The following HELZ variants were observed in gnomAD, a reference collection of about 807,000 sequenced individuals.
HELZ encodes the protein ATP-dependent RNA helicase with zinc finger domain.
In HELZ, 23 loss-of-function variants were observed where a neutral mutation model predicts 218.2. That is an observed-to-expected ratio of 0.11 (90% CI 0.08 to 0.15). HELZ has a LOEUF of 0.15. HELZ is among the 10% of genes least tolerant of loss of function. The pLI is 1.00. For missense variants in HELZ, 1,813 were observed against 2,353.7 expected (o/e 0.77, Z 4.75); for synonymous variants, 814 against 829.4 (o/e 0.98, Z 0.32).
At chr17:67,085,581 C>CT (rs2036345306) in intron 32 of HELZ, among the ~76,000 whole-genome samples, 3 of 151,562 alleles carry the variant, frequency 2.0e-5, no homozygotes, top group Admixed American at 6.6e-5. Context: ...TTTACCATGT[C>CT]TATTGTTCTA....
Position 67,087,059 on chromosome 17 carries a change from C to T in HELZ, c.5264G>A (p.Arg1755Gln), listed in dbSNP as rs867370356. The T allele has an allele frequency of 6.8e-6, 11 of 1,613,794 alleles. No homozygotes were observed. The African/African-American group carries it at 9.4e-5, about 14-fold the overall frequency. The change falls in exon 32 of 33, where the codon CGG (arginine) becomes CAG (glutamine). Residue 1755 changes from arginine to glutamine, a missense_variant. Arg to Gln is a conservative substitution (Grantham distance 43). This residue lies in a region of HELZ where 938 missense variants were observed against 1,027.5 expected (regional missense o/e 0.91). Transcript: ENST00000358691. Reference protein sequence around the residue: ...LEEYEPRGPGRPLYQRRISSS... With the variant: ...LEEYEPRGPGQPLYQRRISSS... ...TGAGATTCTTCTTTGGTACAAGGGC[C>T]GACCAGGTCCTCTGGGCTCATACTA... is the stretch of plus-strand genomic sequence containing the variant.
Position 67,108,994 on chromosome 17 carries a change from TGG to T in HELZ, c.4489+120_4489+121del. The T allele has an allele frequency of 1.2e-6, 1 of 806,104 alleles. No homozygotes were observed. The highest frequency in any genetic ancestry group is 2.0e-6 in the Non-Finnish European group (1 of 511,824). The allele number at this position is 806,104 out of a possible 1,614,324, so 49.9% of individuals were successfully genotyped here. On this transcript the variant is annotated intron_variant, in intron 29 of 32. Transcript: ENST00000358691. The surrounding 1 kb of genome is among the most constrained non-coding windows in gnomAD (Gnocchi z 4.1). ...ACTAGTTTCTGATTATCACACTAAA[TGG>T]GGGGGTTTTGCTAGCATTATTTGAA...
At chr17:67,079,829 A>G (rs1033507374) in intron 32 of HELZ, among the ~76,000 whole-genome samples, 13 of 152,124 alleles carry the variant, frequency 8.5e-5, no homozygotes, top group African/African-American at 3.1e-4. Flanking sequence ...TTTATTACCT[A>G]TTTGCAGACT....
At chr17:67,240,857 A>T (rs1307310056) in intron 2 of HELZ, among the ~76,000 whole-genome samples, 2 of 152,228 alleles carry the variant, frequency 1.3e-5, no homozygotes, top group Non-Finnish European at 2.9e-5. Flanking sequence ...ATTAGTTGAA[A>T]AACTTTCCAT....
intron 12 of HELZ, among the ~76,000 whole-genome samples, chr17:67,187,275 A>G (rs1248046739): frequency 6.6e-6 from 1 of 152,214 alleles, no homozygotes; most frequent in Non-Finnish European, 1.5e-5. Context: ...AGTAAAAGGG[A>G]TCAAAGTCAG....
intron 27 of HELZ, among the ~76,000 whole-genome samples, chr17:67,117,175 C>T (rs1236455389): frequency 6.6e-6 from 1 of 151,948 alleles, no homozygotes; most frequent in Non-Finnish European, 1.5e-5. Flanking sequence ...ATTTACAGAG[C>T]AATCTATTCT....
intron 9 of HELZ, among the ~76,000 whole-genome samples, chr17:67,190,749 TGCCCAG>T (rs1402910926): frequency 6.6e-6 from 1 of 152,218 alleles, no homozygotes; most frequent in Non-Finnish European, 1.5e-5. Context: ...CTCACTCCGT[TGCCCAG>T]GCTGGAGTGC....
In HELZ at chr17:67,190,329, T is replaced by C; in HGVS notation, c.584A>G (p.Tyr195Cys). 1 of 1,613,482 alleles carries C rather than the reference T, an allele frequency of 6.2e-7. No homozygotes were observed. Among genetic ancestry groups the C allele is most frequent in the Non-Finnish European group, 8.5e-7 (1 of 1,179,388 alleles). ...KRFLEQGICRYGAQCTSAHSQ... is the reference protein window; with the variant it reads ...KRFLEQGICRCGAQCTSAHSQ... The stretch of plus-strand genomic sequence containing the variant: ...ATGTGCTGAAGTACACTGGGCACCA[T>C]ACCTACAGATTCCTTGTTCTAAAAA... The change falls in exon 10 of 33, where the codon TAT becomes TGT. Residue 195 changes from tyrosine to cysteine, a missense_variant. By Grantham distance (194) the Tyr-to-Cys change is radical (BLOSUM62 -2). Transcript: ENST00000358691.
At chr17:67,239,114 C>T (rs1025718320) in intron 3 of HELZ, among the ~76,000 whole-genome samples, 3 of 152,174 alleles carry the variant, frequency 2.0e-5, no homozygotes, top group African/African-American at 4.8e-5. Flanking sequence ...AGAATGCTGA[C>T]ACAAAAACTG....
intron 7 of HELZ, among the ~76,000 whole-genome samples, chr17:67,198,944 T>C (rs1411520565): frequency 6.6e-6 from 1 of 152,162 alleles, no homozygotes; most frequent in African/African-American, 2.4e-5. Flanking sequence ...AAGAGTCAAG[T>C]GATATATGTG....
chr17:67,088,554 T>C (rs1157613375), intron 31 of HELZ, among the ~76,000 whole-genome samples: 1 of 152,184 alleles, frequency 6.6e-6, no homozygotes, highest in Non-Finnish European at 1.5e-5. Flanking sequence ...CTGGCTGCCC[T>C]TGTGCGGAGA....
In HELZ at chr17:67,076,850, T is replaced by C. The variant is rs2036030766; in HGVS notation, c.*1402A>G. 1 of 152,208 alleles carries C rather than the reference T, an allele frequency of 6.6e-6. No homozygotes were observed. Among genetic ancestry groups the C allele is most frequent in the Non-Finnish European group, 1.5e-5 (1 of 68,038 alleles). The allele number at this position is 152,208 out of a possible 1,614,324, so 9.4% of individuals were successfully genotyped here. On this transcript the variant is annotated 3_prime_UTR_variant, in exon 33 of 33. Coordinates refer to ENST00000358691, the MANE Select transcript of HELZ (RefSeq NM_014877.4). ...TCATTCGAAAGGTTCCCCAGCCTCA[T>C]CTTATTTTTTTTTAAAAGTTTATAT...
intron 27 of HELZ, 74 bp from the exon 28 acceptor site, chr17:67,114,477 G>T: frequency 1.2e-6 from 1 of 858,830 alleles, no homozygotes; most frequent in South Asian, 1.4e-5. Context: ...TCCAATATTA[G>T]AGAAAGAGGC....
Position 67,107,332 on chromosome 17 carries a change from A to G in HELZ, c.5078T>C (p.Leu1693Pro), listed in dbSNP as rs546893095. The change falls in exon 31 of 33, where the codon CTA (leucine) becomes CCA (proline). Residue 1693 changes from leucine to proline, a missense_variant. Leu to Pro is a moderately conservative substitution (Grantham distance 98, BLOSUM62 -3). This residue lies in a region of HELZ where 938 missense variants were observed against 1,027.5 expected (regional missense o/e 0.91). Coordinates refer to ENST00000358691, the MANE Select transcript of HELZ (RefSeq NM_014877.4). ...GCCATAGGGAAAACCTGGCCCCATT[A>G]GGTGATTCTGTTGCAAGTTAGCAAA... ...WTFANLQQNH[L>P]MGPGFPYGLP... The G allele has an allele frequency of 3.6e-5, 58 of 1,614,122 alleles. No homozygotes were observed. The highest frequency in any genetic ancestry group is 3.3e-4 in the Middle Eastern group (2 of 6,084).
At chr17:67,130,490 G>A (rs1255602310) in intron 23 of HELZ, among the ~76,000 whole-genome samples, 1 of 152,052 alleles carries the variant, frequency 6.6e-6, no homozygotes, top group Non-Finnish European at 1.5e-5. Context: ...ATAAGACTAA[G>A]GCTAATAAGA....
At position 67,086,629 on chromosome 17, in the gene HELZ, T is replaced by TATATATATATAA. The variant is rs1567787751; in HGVS notation, c.5494+199_5494+200insTTATATATATAT. Among the ~76,000 whole-genome samples the TATATATATATAA allele has an allele frequency of 3.5e-4, 18 of 50,720 alleles. No homozygotes were observed. The South Asian group carries it at 0.019, about 53-fold the overall frequency. 33.3% of individuals were successfully genotyped at this position (50,720 alleles called of 152,430 possible). A position where few individuals can be genotyped will look rare whatever the true frequency, so the allele number is the denominator to read the frequency against. On this transcript the variant is annotated intron_variant, in intron 32 of 32. Coordinates refer to ENST00000358691, the MANE Select transcript of HELZ (RefSeq NM_014877.4). ...ATATATATATAAATAAATATAAATA[T>TATATATATATAA]AAATATATATATATATATATATATA...
At chr17:67,177,579 T>A (rs531199673) in intron 13 of HELZ, among the ~76,000 whole-genome samples, 1 of 151,598 alleles carries the variant, frequency 6.6e-6, no homozygotes, top group Non-Finnish European at 1.5e-5. Flanking sequence ...GAATCCATGA[T>A]AATATAAATA....
intron 31 of HELZ, among the ~76,000 whole-genome samples, chr17:67,102,329 T>A (rs1459782872): frequency 6.6e-6 from 1 of 152,222 alleles, no homozygotes; most frequent in Non-Finnish European, 1.5e-5. Context: ...CTAAATGTTA[T>A]AGTAGGTATC....
chr17:67,214,977 C>T (rs1046461008), intron 5 of HELZ, among the ~76,000 whole-genome samples: 4 of 152,026 alleles, frequency 2.6e-5, no homozygotes, highest in South Asian at 2.1e-4. Context: ...AAAACCATCT[C>T]TACAAAAAAT....
Sources: gnomAD v4.1 joint callset for allele counts (sites outside exome capture counted in the v4.1 genomes callset) on GRCh38, gnomAD v4.1.1 for gene constraint, gnomAD v4.1.1 regional missense constraint, Gnocchi (gnomAD v3.1) non-coding constraint, MANE v1.5 for transcripts, NCBI Gene and HGNC (gene_info 2026-07-23, HGNC 2026-07-21) for gene names.